Variants in SAMD13 observed in about 807,000 individuals in gnomAD.
The protein encoded by SAMD13 is sterile alpha motif domain containing 13, also known as sterile alpha motif domain-containing protein 13.
SAMD13 carries 9 observed loss-of-function variants against 12.4 expected under a neutral mutation model. That is an observed-to-expected ratio of 0.72 (90% CI 0.44 to 1.26). SAMD13 has a LOEUF of 1.26. SAMD13 is among the 50% of genes most tolerant of loss of function. SAMD13 has a pLI of 0.00. For missense variants in SAMD13, 84 were observed against 119.6 expected (o/e 0.70, Z 1.39); for synonymous variants, 46 against 45.4 (o/e 1.01, Z -0.05).
In SAMD13 at chr1:84,337,965, A is replaced by G. The variant is rs185513599; in HGVS notation, c.166-11666A>G. On this transcript the variant is annotated intron_variant, in intron 3 of 3. Transcript: ENST00000394834. ...ATGCCACCAGTCTCTTTGCTAAAAT[A>G]TAACAAGAGTCACCTTTGCTCTAGT... Among the ~76,000 whole-genome samples the G allele has an allele frequency of 6.2e-3, 949 of 152,330 alleles. 30 individuals carry two copies. The highest frequency in any genetic ancestry group is 0.046 in the Admixed American group (701 of 15,308).
rs551584345 is a variant in SAMD13, at chr1:84,319,180, G to A, written c.54-6457G>A. Among the ~76,000 whole-genome samples the A allele has an allele frequency of 2.0e-5, 3 of 152,316 alleles. No homozygotes were observed. In the East Asian group the frequency reaches 5.8e-4, roughly 29 times the overall value. ...AATCCTTTGGAACAGAGACCATTGT[G>A]CTGTGGCTCAGAGCAGGGAGGAAAA... On this transcript the variant is annotated intron_variant, in intron 2 of 3. Transcript: ENST00000394834.
At chr1:84,342,475 A>G (rs939951957) in intron 3 of SAMD13, among the ~76,000 whole-genome samples, 1 of 152,166 alleles carries the variant, frequency 6.6e-6, no homozygotes, top group African/African-American at 2.4e-5. Flanking sequence ...GGCCACAGTA[A>G]CCAAAACAGC....
chr1:84,302,463 G>A (rs1275969204), intron 1 of SAMD13, among the ~76,000 whole-genome samples: 1 of 151,148 alleles, frequency 6.6e-6, no homozygotes, highest in African/African-American at 2.4e-5. Flanking sequence ...AAGACAGAGT[G>A]ATGGATGCTA....
At chr1:84,335,062 T>C (rs903849053) in intron 3 of SAMD13, among the ~76,000 whole-genome samples, 1 of 152,162 alleles carries the variant, frequency 6.6e-6, no homozygotes, top group African/African-American at 2.4e-5. Context: ...GTCTTTTAGA[T>C]CCATTTAGTC....
At chr1:84,301,541 G>A (rs1678454857), upstream of SAMD13, 1 of 872,416 alleles carries the variant, frequency 1.1e-6, no homozygotes, top group Non-Finnish European at 1.4e-6. Context: ...TGCACTAATT[G>A]TGCTGAAGGT....
chr1:84,330,480 A>G (rs1433403185), intron 3 of SAMD13, among the ~76,000 whole-genome samples: 1 of 152,210 alleles, frequency 6.6e-6, no homozygotes, highest in African/African-American at 2.4e-5. Context: ...ATTTTGACTA[A>G]TCTTGTTCAA....
chr1:84,322,201 A>G (rs571104637), intron 2 of SAMD13, among the ~76,000 whole-genome samples: 10 of 152,144 alleles, frequency 6.6e-5, no homozygotes, highest in Non-Finnish European at 1.5e-4. Context: ...CCTTGAGGGC[A>G]GGGACTATGC....
chr1:84,332,643 TC>T (rs2101810848), intron 3 of SAMD13, among the ~76,000 whole-genome samples: 1 of 152,222 alleles, frequency 6.6e-6, no homozygotes, highest in South Asian at 2.1e-4. Flanking sequence ...TTTGTTGGAC[TC>T]ATAGTTTACA....
At chr1:84,334,349 G>T (rs1490762640) in intron 3 of SAMD13, among the ~76,000 whole-genome samples, 3 of 151,980 alleles carry the variant, frequency 2.0e-5, no homozygotes, top group Non-Finnish European at 4.4e-5. Flanking sequence ...ACAGGTGTTT[G>T]TAATAGTCTC....
At chr1:84,299,593 C>T, upstream of SAMD13, 1 of 1,516,372 alleles carries the variant, frequency 6.6e-7, no homozygotes. Context: ...ACTACACACA[C>T]AACTTTTTAT....
intron 2 of SAMD13, among the ~76,000 whole-genome samples, chr1:84,318,152 G>A (rs1032088696): frequency 3.3e-5 from 5 of 151,802 alleles, no homozygotes; most frequent in East Asian, 1.9e-4. Flanking sequence ...TTATCTTACT[G>A]TTTTTCTATT....
At chr1:84,318,417 A>C (rs1484977373) in intron 2 of SAMD13, among the ~76,000 whole-genome samples, 4 of 152,018 alleles carry the variant, frequency 2.6e-5, no homozygotes, top group Non-Finnish European at 5.9e-5. Context: ...TGAATTTTTC[A>C]GTTTTCCTGC....
chr1:84,326,122 A>G (rs1213252172), intron 3 of SAMD13, among the ~76,000 whole-genome samples: 1 of 152,148 alleles, frequency 6.6e-6, no homozygotes, highest in Non-Finnish European at 1.5e-5. Flanking sequence ...TGAGAGACAT[A>G]CACCACCTCC....
intron 3 of SAMD13, among the ~76,000 whole-genome samples, chr1:84,347,597 G>A (rs140624799): frequency 6.6e-6 from 1 of 152,306 alleles, no homozygotes; most frequent in African/African-American, 2.4e-5. Flanking sequence ...TTTAAAACAT[G>A]TAGTAAGTGA....
chr1:84,327,129 T>C (rs1308264071), intron 3 of SAMD13, among the ~76,000 whole-genome samples: 1 of 152,152 alleles, frequency 6.6e-6, no homozygotes, highest in African/African-American at 2.4e-5. Context: ...TGTAAAAAGA[T>C]TTGTACAAAA....
chr1:84,298,898 A>G (rs1341177349), upstream of SAMD13, among the ~76,000 whole-genome samples: 19 of 151,866 alleles, frequency 1.3e-4, no homozygotes, highest in Admixed American at 1.2e-3. Context: ...CTTTCCAAAG[A>G]CCGGCTTCCC....
chr1:84,314,443 G>A (rs1478560265), intron 2 of SAMD13, among the ~76,000 whole-genome samples: 1 of 152,180 alleles, frequency 6.6e-6, no homozygotes, highest in Non-Finnish European at 1.5e-5. Flanking sequence ...TCCTCTTGTA[G>A]TATAGAGCAT....
At chr1:84,313,779 C>T (rs918862723) in intron 2 of SAMD13, among the ~76,000 whole-genome samples, 2 of 152,102 alleles carry the variant, frequency 1.3e-5, no homozygotes, top group Admixed American at 6.6e-5. Flanking sequence ...CACCATATTC[C>T]TCTGCCTTTG....
chr1:84,322,031 A>C (rs1473459076), intron 2 of SAMD13, among the ~76,000 whole-genome samples: 2 of 152,168 alleles, frequency 1.3e-5, no homozygotes, highest in African/African-American at 4.8e-5. Flanking sequence ...ATGCCTTTTT[A>C]AACTGCCATT....
Sources: gnomAD v4.1 joint callset for allele counts (sites outside exome capture counted in the v4.1 genomes callset) on GRCh38, gnomAD v4.1.1 for gene constraint, MANE v1.5 for transcripts, NCBI Gene and HGNC (gene_info 2026-07-23, HGNC 2026-07-21) for gene names.